The following B3GLCT variants were observed in gnomAD, a reference collection of about 807,000 sequenced individuals.
The protein encoded by B3GLCT is beta 3-glucosyltransferase, also known as beta-1,3-glucosyltransferase.
B3GLCT carries 65 observed loss-of-function variants against 63.4 expected under a neutral mutation model. The observed-to-expected ratio is 1.03, with a 90% CI of 0.84 to 1.26. B3GLCT has a LOEUF of 1.26. B3GLCT is among the 50% of genes most tolerant of loss of function. The pLI, the probability that B3GLCT is intolerant of heterozygous loss-of-function variation, is 0.00. For synonymous variants in B3GLCT, 233 were observed against 219.2 expected (o/e 1.06, Z -0.55); for missense variants, 577 against 604.8 (o/e 0.95, Z 0.48).
intron 7 of B3GLCT, among the ~76,000 whole-genome samples, chr13:31,262,874 C>T (rs1459758789): frequency 1.3e-5 from 2 of 152,160 alleles, no homozygotes; most frequent in Non-Finnish European, 2.9e-5. Flanking sequence ...CTGACTTCTC[C>T]ATGGGAGAAG....
chr13:31,308,734 TC>T (rs1479570014), intron 12 of B3GLCT, among the ~76,000 whole-genome samples: 1 of 152,200 alleles, frequency 6.6e-6, no homozygotes, highest in Non-Finnish European at 1.5e-5. Flanking sequence ...ATGGAATAGT[TC>T]CTTTACACCA....
intron 10 of B3GLCT, among the ~76,000 whole-genome samples, chr13:31,281,006 G>C (rs1207961217): frequency 1.3e-5 from 2 of 152,166 alleles, no homozygotes; most frequent in Admixed American, 6.5e-5. Context: ...CAACTTGATT[G>C]CTTCCTCTTG....
chr13:31,298,555 A>C (rs1447030801), intron 12 of B3GLCT, among the ~76,000 whole-genome samples: 1 of 152,216 alleles, frequency 6.6e-6, no homozygotes, highest in East Asian at 1.9e-4. Flanking sequence ...TCAAGGTGTT[A>C]ATGTAATGTT....
chr13:31,261,828 A>G (rs1818716718), intron 7 of B3GLCT, among the ~76,000 whole-genome samples: 1 of 152,222 alleles, frequency 6.6e-6, no homozygotes, highest in African/African-American at 2.4e-5. Flanking sequence ...TATACAGGAT[A>G]TTACATACCT....
intron 12 of B3GLCT, among the ~76,000 whole-genome samples, chr13:31,310,933 G>T (rs561359941): frequency 6.6e-6 from 1 of 152,344 alleles, no homozygotes; most frequent in South Asian, 2.1e-4. Context: ...TGGAACCTGG[G>T]CCAATAACAT....
chr13:31,323,030 A>G (rs1399209448), intron 13 of B3GLCT, among the ~76,000 whole-genome samples: 2 of 152,136 alleles, frequency 1.3e-5, no homozygotes, highest in Non-Finnish European at 2.9e-5. Flanking sequence ...ATACCTTCCT[A>G]TTTTGTTACA....
In B3GLCT at chr13:31,317,629, G is replaced by C; in HGVS notation, c.1128G>C (p.Glu376Asp). The change falls in exon 13 of 15, where the codon GAG becomes GAC. Residue 376 changes from glutamate (E) to aspartate (D), a missense_variant. Coordinates refer to ENST00000343307, the MANE Select transcript of B3GLCT (RefSeq NM_194318.4). ...CCGGCGAGCCTGTGTTTCTGGGAGAGCGCTACGGCTACGGCCTGGGCACTG... is the reference window on the plus strand; with the variant it reads ...CCGGCGAGCCTGTGTTTCTGGGAGACCGCTACGGCTACGGCCTGGGCACTG... ...YDSGEPVFLG[E>D]RYGYGLGTGG... 1 of 1,614,100 alleles carries C rather than the reference G, an allele frequency of 6.2e-7. No individual in the cohort carries two copies. Among genetic ancestry groups the C allele is most frequent in the South Asian group, 1.1e-5 (1 of 91,074 alleles).
chr13:31,312,480 TAGAA>T (rs370691090), intron 12 of B3GLCT: 5 of 152,092 alleles, frequency 3.3e-5, no homozygotes, highest in South Asian at 4.2e-4. Context: ...AGAGTAAAAA[TAGAA>T]AGCCCCAAAA....
chr13:31,211,999 T>G (rs1869284495), intron 1 of B3GLCT, among the ~76,000 whole-genome samples: 1 of 152,236 alleles, frequency 6.6e-6, no homozygotes, highest in Non-Finnish European at 1.5e-5. Flanking sequence ...CTACTGGACC[T>G]GTTACATTAA....
intron 4 of B3GLCT, among the ~76,000 whole-genome samples, chr13:31,239,870 T>C (rs1870843933): frequency 6.6e-6 from 1 of 152,170 alleles, no homozygotes; most frequent in African/African-American, 2.4e-5. Flanking sequence ...CATAATTGCA[T>C]TGCTTTCAGT....
intron 3 of B3GLCT, among the ~76,000 whole-genome samples, chr13:31,226,488 A>G (rs17075686): frequency 0.01 from 1,579 of 152,364 alleles, 66 homozygotes; most frequent in East Asian, 0.083. Context: ...TCTTCCCTGT[A>G]TGGAAATGCT....
intron 6 of B3GLCT, among the ~76,000 whole-genome samples, chr13:31,254,993 C>T (rs1311648544): frequency 2.7e-5 from 4 of 147,870 alleles, no homozygotes; most frequent in African/African-American, 5.0e-5. Context: ...GCTGAGATGG[C>T]GCCACTGCAC....
In B3GLCT at chr13:31,330,773, TG is replaced by T. The variant is rs1422265263; in HGVS notation, c.*1106del. On this transcript the variant is annotated 3_prime_UTR_variant, in exon 15 of 15. Transcript: ENST00000343307. ...CACTCTAATTATATAATTCAGTTTTTGTAAAGGTATTTGCATAAAATTTAAT... is the reference window on the plus strand; with the variant it reads ...CACTCTAATTATATAATTCAGTTTTTTAAAGGTATTTGCATAAAATTTAAT... 1.3e-5 allele frequency: 2 copies of T among 152,184 alleles called. No individual in the cohort carries two copies. The highest frequency in any genetic ancestry group is 3.8e-4 in the East Asian group (2 of 5,200). The allele number at this position is 152,184 out of a possible 1,614,324, so 9.4% of individuals were successfully genotyped here.
Position 31,306,603 on chromosome 13 carries a change from C to A in B3GLCT, c.1065-10963C>A, listed in dbSNP as rs1328290220. Among the ~76,000 whole-genome samples the A allele has an allele frequency of 5.4e-3, 470 of 87,006 alleles. 1 individual carries two copies. The highest frequency in any genetic ancestry group is 5.5e-3 in the Non-Finnish European group (239 of 43,648). 57.1% of individuals were successfully genotyped at this position (87,006 alleles called of 152,430 possible). On this transcript the variant is annotated intron_variant, in intron 12 of 14. Coordinates refer to ENST00000343307, the MANE Select transcript of B3GLCT (RefSeq NM_194318.4). Reference sequence around the variant, plus strand: ...CAATTACTTCAAAGAGAATAAAATACCTAGGAATCCAACTTACAAGGGATG... The same window carrying A: ...CAATTACTTCAAAGAGAATAAAATAACTAGGAATCCAACTTACAAGGGATG...
chr13:31,244,037 G>A (rs932689728), intron 4 of B3GLCT, among the ~76,000 whole-genome samples: 9 of 152,154 alleles, frequency 5.9e-5, no homozygotes, highest in African/African-American at 1.9e-4. Flanking sequence ...GCATGATTAG[G>A]CATCATTTAG....
At chr13:31,215,889 A>G (rs1042532281) in intron 2 of B3GLCT, among the ~76,000 whole-genome samples, 1 of 152,222 alleles carries the variant, frequency 6.6e-6, no homozygotes, top group Non-Finnish European at 1.5e-5. Flanking sequence ...CCAGAGAGTC[A>G]GAACCAGAAA....
At chr13:31,225,954 A>G (rs539213641) in intron 3 of B3GLCT, among the ~76,000 whole-genome samples, 148 of 152,256 alleles carry the variant, frequency 9.7e-4, no homozygotes, top group African/African-American at 3.4e-3. Context: ...TTTATCACCT[A>G]CTGTACCCCG....
At chr13:31,251,432 C>T (rs1281720740) in intron 6 of B3GLCT, among the ~76,000 whole-genome samples, 1 of 152,128 alleles carries the variant, frequency 6.6e-6, no homozygotes, top group Non-Finnish European at 1.5e-5. Context: ...GCTAAAGGAG[C>T]ATGTTCTAAC....
At chr13:31,261,583 A>G (rs1310183968) in intron 7 of B3GLCT, among the ~76,000 whole-genome samples, 1 of 152,222 alleles carries the variant, frequency 6.6e-6, no homozygotes, top group Non-Finnish European at 1.5e-5. Flanking sequence ...TTGTGTGTAT[A>G]TTCACAATGG....
Sources: gnomAD v4.1 joint callset for allele counts (sites outside exome capture counted in the v4.1 genomes callset) on GRCh38, gnomAD v4.1.1 for gene constraint, MANE v1.5 for transcripts, NCBI Gene and HGNC (gene_info 2026-07-23, HGNC 2026-07-21) for gene names.